MCTP1: variants seen among roughly 807,000 people sequenced by gnomAD.
MCTP1 encodes the protein multiple C2 and transmembrane domain containing 1.
Under a neutral mutation model 120.6 loss-of-function variants are expected in MCTP1, and 69 were observed. The observed-to-expected ratio is 0.57, with a 90% CI of 0.47 to 0.70. The LOEUF (loss-of-function observed/expected upper bound fraction) is 0.70, where lower values mean the gene tolerates loss of function less well. MCTP1 is among the 30% of genes least tolerant of loss of function. The pLI, the probability that MCTP1 is intolerant of heterozygous loss-of-function variation, is 0.00. For missense variants in MCTP1, 1,203 were observed against 1,248.8 expected (o/e 0.96, Z 0.55); for synonymous variants, 529 against 493.1 (o/e 1.07, Z -0.96).
intron 1 of MCTP1, among the ~76,000 whole-genome samples, chr5:95,252,515 T>C (rs1757475669): frequency 6.6e-6 from 1 of 152,124 alleles, no homozygotes; most frequent in Non-Finnish European, 1.5e-5. Context: ...CTAAAGTAAA[T>C]GCTCTAAGAA....
At chr5:94,947,585 G>T (rs1599806) in intron 3 of MCTP1, among the ~76,000 whole-genome samples, 8,201 of 40,850 alleles carry the variant, frequency 0.2, 379 homozygotes, top group East Asian at 0.34. Context: ...TATAGAGAGA[G>T]AGAGAGAGAG....
intron 19 of MCTP1, among the ~76,000 whole-genome samples, chr5:94,740,033 A>C (rs187571796): frequency 6.6e-6 from 1 of 152,314 alleles, no homozygotes; most frequent in East Asian, 1.9e-4. Flanking sequence ...GAAGTGCTAC[A>C]GTAATTACTT....
chr5:94,813,189 T>A (rs1783808557), intron 17 of MCTP1, among the ~76,000 whole-genome samples: 1 of 152,106 alleles, frequency 6.6e-6, no homozygotes. Context: ...AAATAAAACA[T>A]CTGAATGTCA....
At chr5:95,201,164 C>T (rs1265618273) in intron 1 of MCTP1, among the ~76,000 whole-genome samples, 1 of 152,180 alleles carries the variant, frequency 6.6e-6, no homozygotes, top group Non-Finnish European at 1.5e-5. Context: ...ACTGCTGAGA[C>T]AGAATGCTGC....
chr5:94,759,250 C>T (rs560935078), intron 19 of MCTP1, among the ~76,000 whole-genome samples: 14 of 152,268 alleles, frequency 9.2e-5, no homozygotes, highest in South Asian at 4.1e-4. Flanking sequence ...AAAGACATCA[C>T]GTAGAGTTCT....
chr5:95,283,531 C>A (rs78037044), intron 1 of MCTP1, among the ~76,000 whole-genome samples: 1 of 152,142 alleles, frequency 6.6e-6, no homozygotes, highest in African/African-American at 2.4e-5. Context: ...TTTCTTTTGC[C>A]AAGATGAGAT....
intron 6 of MCTP1, among the ~76,000 whole-genome samples, chr5:94,925,455 C>G (rs1812815857): frequency 6.6e-6 from 1 of 152,028 alleles, no homozygotes; most frequent in South Asian, 2.1e-4. Flanking sequence ...GTCGCCCAGG[C>G]TGGAGTGCAG....
At chr5:94,789,131 C>T (rs565172633) in intron 18 of MCTP1, 1 of 152,290 alleles carries the variant, frequency 6.6e-6, no homozygotes, top group Admixed American at 6.5e-5. Context: ...GGAAGAAATC[C>T]TCTATAAGAA....
chr5:94,768,732 A>T (rs893249354), intron 19 of MCTP1, among the ~76,000 whole-genome samples: 1 of 152,200 alleles, frequency 6.6e-6, no homozygotes, highest in Non-Finnish European at 1.5e-5. Flanking sequence ...AACACAAAAA[A>T]TAATGGATGT....
Position 94,732,861 on chromosome 5 carries a change from T to G in MCTP1, c.2611-17975A>C, listed in dbSNP as rs567955497. 3.9e-5 allele frequency among the ~76,000 whole-genome samples: 6 copies of G among 152,310 alleles called. No individual in the cohort carries two copies. The South Asian group carries it at 1.2e-3, about 32-fold the overall frequency. Reference sequence around the variant, plus strand: ...ACTGTGAGATACAAGTTTCTGTTGTTTATAAGCCACTCAGTCTATGACATT... The same window carrying G: ...ACTGTGAGATACAAGTTTCTGTTGTGTATAAGCCACTCAGTCTATGACATT... On this transcript the variant is annotated intron_variant, in intron 19 of 22. Coordinates refer to ENST00000515393, the MANE Select transcript of MCTP1 (RefSeq NM_024717.7).
At position 94,894,722 on chromosome 5, in the gene MCTP1, G is replaced by C. The variant is rs1398621300; in HGVS notation, c.1766C>G (p.Thr589Arg). 9.9e-6 allele frequency: 16 copies of C among 1,613,888 alleles called. No homozygotes were observed. Among genetic ancestry groups the C allele is most frequent in the African/African-American group, 1.3e-5 (1 of 75,052 alleles). ...GACAGACAGGTCAGAGATGCTGACT[G>C]TGGCTGATGCTGTCAGAGTGACCAG... ...VLLVTLTASA[T>R]VSISDLSVNS... is the part of the protein sequence containing the mutation. The change falls in exon 11 of 23, where the codon ACA (threonine) becomes AGA (arginine). Residue 589 changes from threonine to arginine, a missense_variant. This residue lies in a region of MCTP1 where 740 missense variants were observed against 871.1 expected (regional missense o/e 0.85). Coordinates refer to ENST00000515393, the MANE Select transcript of MCTP1 (RefSeq NM_024717.7).
chr5:94,925,183 C>T (rs897419243), intron 6 of MCTP1, among the ~76,000 whole-genome samples: 1 of 152,116 alleles, frequency 6.6e-6, no homozygotes, highest in African/African-American at 2.4e-5. Context: ...TCACTAGAGT[C>T]TAATGATAAT....
intron 19 of MCTP1, among the ~76,000 whole-genome samples, chr5:94,731,135 A>G (rs1763048031): frequency 6.6e-6 from 1 of 152,136 alleles, no homozygotes; most frequent in African/African-American, 2.4e-5. Flanking sequence ...TTTTTGGTAT[A>G]GTTTCTTGTA....
intron 10 of MCTP1, among the ~76,000 whole-genome samples, chr5:94,903,149 T>TTA (rs1805949593): frequency 6.6e-6 from 1 of 151,212 alleles, no homozygotes; most frequent in African/African-American, 2.4e-5. Context: ...CAATCATTAG[T>TTA]AAAAAAAAAT....
chr5:94,770,355 A>G (rs1451404348), intron 19 of MCTP1, among the ~76,000 whole-genome samples: 1 of 152,202 alleles, frequency 6.6e-6, no homozygotes, highest in Non-Finnish European at 1.5e-5. Context: ...AGAAGAGGAA[A>G]TTCACTGCTG....
intron 19 of MCTP1, among the ~76,000 whole-genome samples, chr5:94,776,370 T>C (rs1313578599): frequency 6.6e-6 from 1 of 152,076 alleles, no homozygotes; most frequent in African/African-American, 2.4e-5. Flanking sequence ...TGGATAGGCT[T>C]AGGGAACGCC....
At chr5:95,017,328 TA>T (rs778686564) in intron 2 of MCTP1, 38 bp downstream of exon 2, 2 of 1,308,458 alleles carry the variant, frequency 1.5e-6, no homozygotes, top group East Asian at 2.4e-5. Flanking sequence ...CATAAACACA[TA>T]AAAAAGCTTC....
intron 1 of MCTP1, among the ~76,000 whole-genome samples, chr5:95,120,106 G>C (rs1297476791): frequency 6.8e-6 from 1 of 147,744 alleles, no homozygotes; most frequent in Non-Finnish European, 1.5e-5. Flanking sequence ...GAACCTGGGA[G>C]GCAGAGCTTG....
intron 19 of MCTP1, among the ~76,000 whole-genome samples, chr5:94,717,455 C>T (rs965366107): frequency 6.6e-6 from 1 of 152,106 alleles, no homozygotes; most frequent in Non-Finnish European, 1.5e-5. Flanking sequence ...CCCTTGAAAT[C>T]TGGCACAAGA....
Sources: gnomAD v4.1 joint callset for allele counts (sites outside exome capture counted in the v4.1 genomes callset) on GRCh38, gnomAD v4.1.1 for gene constraint, gnomAD v4.1.1 regional missense constraint, MANE v1.5 for transcripts, NCBI Gene and HGNC (gene_info 2026-07-23, HGNC 2026-07-21) for gene names.